The following LINGO2 variants were observed in gnomAD, a reference collection of about 807,000 sequenced individuals.
LINGO2 encodes leucine rich repeat and Ig domain containing 2, also known as leucine-rich repeat and immunoglobulin-like domain-containing nogo receptor-interacting protein 2.
Under a neutral mutation model 30.6 loss-of-function variants are expected in LINGO2, and 14 were observed. The observed-to-expected ratio is 0.46, with a 90% CI of 0.30 to 0.72. The LOEUF (loss-of-function observed/expected upper bound fraction) is 0.72. Among genes scored for constraint, LINGO2 ranks in the 30% least tolerant of loss-of-function variants. The pLI is 0.07. For synonymous variants in LINGO2, 317 were observed against 288.5 expected (o/e 1.10, Z -1.00); for missense variants, 729 against 751.7 (o/e 0.97, Z 0.35).
intron 4 of LINGO2, among the ~76,000 whole-genome samples, chr9:28,106,266 A>G (rs1826589502): frequency 6.6e-6 from 1 of 152,122 alleles, no homozygotes; most frequent in South Asian, 2.1e-4. Flanking sequence ...GCATTTTGTT[A>G]TGGCAGCATG....
At chr9:28,728,376 C>CA in the LINGO2 span, among the ~76,000 whole-genome samples, 914 of 143,028 alleles carry the variant, frequency 6.4e-3, 9 homozygotes, top group Admixed American at 0.01. Context: ...TTATTATTCA[C>CA]AAAAAAATCA....
At chr9:28,111,368 C>A (rs1826783922) in intron 4 of LINGO2, among the ~76,000 whole-genome samples, 5 of 151,528 alleles carry the variant, frequency 3.3e-5, no homozygotes, top group Admixed American at 3.3e-4. Context: ...CAAACCTGCA[C>A]ATTCTGCACA....
intron 3 of LINGO2, among the ~76,000 whole-genome samples, chr9:28,297,299 GT>G (rs1823958998): frequency 6.6e-6 from 1 of 152,144 alleles, no homozygotes. Context: ...GAAGGGGTAA[GT>G]TTTGTGTATT....
the LINGO2 span, among the ~76,000 whole-genome samples, chr9:29,019,018 T>C: frequency 6.6e-6 from 1 of 152,164 alleles, no homozygotes; most frequent in African/African-American, 2.4e-5. Flanking sequence ...CTAGGTGACC[T>C]ATAAACGTAA....
At position 27,977,606 on chromosome 9, in the gene LINGO2, G is replaced by C. The variant is rs917366969; in HGVS notation, c.-35-26900C>G. 9.2e-5 allele frequency among the ~76,000 whole-genome samples: 14 copies of C among 151,848 alleles called. 1 individual carries two copies. Among genetic ancestry groups the C allele is most frequent in the Admixed American group, 9.2e-4 (14 of 15,198 alleles). On this transcript the variant is annotated intron_variant, in intron 5 of 5. Coordinates refer to ENST00000379992, the Ensembl canonical transcript of LINGO2. ...GACAAGTTTTATTAGAAATAAAAAA[G>C]GAGTGTGAGCATACTAAACAGCAGC...
the LINGO2 span, among the ~76,000 whole-genome samples, chr9:28,979,930 C>A: frequency 6.6e-6 from 1 of 152,082 alleles, no homozygotes. Flanking sequence ...CTGTATCAGC[C>A]ATATTCATTT....
intron 5 of LINGO2, among the ~76,000 whole-genome samples, chr9:27,986,506 A>G (rs182225671): frequency 7.2e-4 from 110 of 151,824 alleles, no homozygotes; most frequent in African/African-American, 2.5e-3. Context: ...GGCCTTTAGG[A>G]GTGGGACTTC....
chr9:28,299,061 C>T (rs1232385897), intron 3 of LINGO2, among the ~76,000 whole-genome samples: 1 of 152,140 alleles, frequency 6.6e-6, no homozygotes, highest in Non-Finnish European at 1.5e-5. Context: ...AGCACTTAGG[C>T]ACTCATTTTA....
chr9:28,215,272 A>G (rs1372128068), intron 4 of LINGO2, among the ~76,000 whole-genome samples: 1 of 151,904 alleles, frequency 6.6e-6, no homozygotes, highest in Non-Finnish European at 1.5e-5. Context: ...AGAGAGGTCA[A>G]AAGTTTACAC....
At chr9:28,449,032 C>CGTGTGTGTGTGTGTGTGTGTGT (rs140779747) in intron 2 of LINGO2, among the ~76,000 whole-genome samples, 1 of 137,910 alleles carries the variant, frequency 7.3e-6, no homozygotes, top group African/African-American at 2.7e-5. Flanking sequence ...TATTCACATT[C>CGTGTGTGTGTGTGTGTGTGTGT]GTGTGTGTGT....
At chr9:28,511,229 C>T (rs1820372691) in intron 1 of LINGO2, among the ~76,000 whole-genome samples, 1 of 152,132 alleles carries the variant, frequency 6.6e-6, no homozygotes, top group South Asian at 2.1e-4. Context: ...TAGGCAAACC[C>T]ATATCTGGAG....
chr9:28,843,561 A>G, the LINGO2 span, among the ~76,000 whole-genome samples: 1 of 151,828 alleles, frequency 6.6e-6, no homozygotes, highest in African/African-American at 2.4e-5. Context: ...AAAAATCCGC[A>G]TGAGGCAGAG....
the LINGO2 span, among the ~76,000 whole-genome samples, chr9:29,120,405 T>C: frequency 6.6e-6 from 1 of 152,168 alleles, no homozygotes; most frequent in African/African-American, 2.4e-5. Flanking sequence ...AGAAAGGTAA[T>C]GTTATGCTAC....
chr9:28,368,631 T>C (rs1820772039), intron 3 of LINGO2, among the ~76,000 whole-genome samples: 1 of 150,180 alleles, frequency 6.7e-6, no homozygotes, highest in Non-Finnish European at 1.5e-5. Flanking sequence ...GAGTCTCGCT[T>C]TGTAGCCCAG....
chr9:28,970,811 G>C, the LINGO2 span, among the ~76,000 whole-genome samples: 4 of 152,166 alleles, frequency 2.6e-5, no homozygotes, highest in African/African-American at 9.7e-5. Flanking sequence ...TAGGCGACAA[G>C]GACTGCAACT....
At chr9:28,494,846 T>C (rs2135283701) in intron 1 of LINGO2, among the ~76,000 whole-genome samples, 1 of 152,298 alleles carries the variant, frequency 6.6e-6, no homozygotes, top group African/African-American at 2.4e-5. Flanking sequence ...AGTGTAAAAG[T>C]GTTCCTATTT....
chr9:28,379,919 C>T (rs574834501), intron 2 of LINGO2, among the ~76,000 whole-genome samples: 11 of 152,128 alleles, frequency 7.2e-5, no homozygotes, highest in African/African-American at 2.4e-4. Context: ...AACATTTTAG[C>T]TAGAGAAATT....
chr9:28,913,557 T>A, the LINGO2 span, among the ~76,000 whole-genome samples: 1 of 152,100 alleles, frequency 6.6e-6, no homozygotes, highest in Non-Finnish European at 1.5e-5. Flanking sequence ...AAATCTCCAA[T>A]GTATAGATAG....
At chr9:28,344,477 A>G (rs936730701) in intron 3 of LINGO2, among the ~76,000 whole-genome samples, 1 of 152,146 alleles carries the variant, frequency 6.6e-6, no homozygotes. Flanking sequence ...AAAATAAGTA[A>G]TGAAAAATGA....
Sources: gnomAD v4.1 joint callset for allele counts (sites outside exome capture counted in the v4.1 genomes callset) on GRCh38, gnomAD v4.1.1 for gene constraint, MANE v1.5 for transcripts, NCBI Gene and HGNC (gene_info 2026-07-23, HGNC 2026-07-21) for gene names.